The following HOMER2 variants were observed in gnomAD, a reference collection of about 807,000 sequenced individuals.
HOMER2 encodes the protein homer protein homolog 2.
HOMER2 carries 27 observed loss-of-function variants against 47.0 expected under a neutral mutation model. That is an observed-to-expected ratio of 0.57 (90% CI 0.42 to 0.79). HOMER2 has a LOEUF of 0.79. Ranked by LOEUF, HOMER2 falls within the 30% of genes least tolerant of loss-of-function variation. The probability of loss-of-function intolerance (pLI) is 0.00; values close to 1 mark genes in which losing one functional copy is unlikely to be tolerated. For synonymous variants in HOMER2, 161 were observed against 163.8 expected, an observed-to-expected ratio of 0.98 and a Z score of 0.13; for missense variants, 443 against 435.0, an observed-to-expected ratio of 1.02 and a Z score of -0.16.
chr15:82,976,267 C>T (rs547032682), intron 1 of HOMER2, among the ~76,000 whole-genome samples: 55 of 151,810 alleles, frequency 3.6e-4, no homozygotes, highest in Non-Finnish European at 6.5e-4. Context: ...TCCCTGCATC[C>T]CATTAGATTA....
chr15:82,940,554 T>G (rs1345814940), intron 1 of HOMER2, among the ~76,000 whole-genome samples: 1 of 152,082 alleles, frequency 6.6e-6, no homozygotes. Context: ...CCATCCTGGC[T>G]AACACAGTGA....
intron 1 of HOMER2, among the ~76,000 whole-genome samples, chr15:82,977,489 T>C (rs548895474): frequency 5.9e-5 from 9 of 152,250 alleles, no homozygotes; most frequent in Non-Finnish European, 1.3e-4. Flanking sequence ...GAGAAAACTT[T>C]TAGATTACGT....
upstream of HOMER2, among the ~76,000 whole-genome samples, chr15:82,956,910 G>C (rs1010581802): frequency 7.2e-5 from 11 of 152,106 alleles, no homozygotes; most frequent in South Asian, 2.1e-4. Flanking sequence ...CTGTGACCAC[G>C]GGCAAGTTTT....
Position 82,852,265 on chromosome 15 carries a change from C to A in HOMER2, c.652-13G>T, listed in dbSNP as rs1303587624. 1.9e-6 allele frequency: 3 copies of A among 1,590,510 alleles called. No individual in the cohort carries two copies. The highest frequency in any genetic ancestry group is 1.3e-5 in the African/African-American group (1 of 74,612). On this transcript the variant is annotated splice_polypyrimidine_tract_variant and intron_variant, in intron 6 of 8. Transcript: ENST00000450735. ...CCAGCTCATCAATCTTCAATACACA[C>A]CACACAGGAAAGCAGGGACGCCAGC...
At chr15:82,850,669 C>T (rs1334710411) in intron 8 of HOMER2, among the ~76,000 whole-genome samples, 4 of 152,174 alleles carry the variant, frequency 2.6e-5, no homozygotes, top group African/African-American at 4.8e-5. Context: ...CATGAAGCGC[C>T]GTGTGCATAT....
chr15:82,877,159 G>GT (rs886584888), intron 2 of HOMER2, among the ~76,000 whole-genome samples: 1 of 152,002 alleles, frequency 6.6e-6, no homozygotes, highest in Non-Finnish European at 1.5e-5. Context: ...ATTTGGGAAA[G>GT]TTTTTTTGTT....
chr15:82,879,821 C>A (rs980767353), intron 2 of HOMER2, among the ~76,000 whole-genome samples: 4 of 152,134 alleles, frequency 2.6e-5, no homozygotes, highest in African/African-American at 7.2e-5. Context: ...TGCTACTTGA[C>A]AGCATTTTAC....
At chr15:82,929,338 G>A (rs533647230) in intron 1 of HOMER2, among the ~76,000 whole-genome samples, 3 of 152,090 alleles carry the variant, frequency 2.0e-5, no homozygotes, top group Admixed American at 2.0e-4. Context: ...CAAGGAAAAC[G>A]GCTTAGCAGG....
At chr15:82,852,566 T>G (rs558552848) in intron 6 of HOMER2, 42 of 273,176 alleles carry the variant, frequency 1.5e-4, no homozygotes, top group Non-Finnish European at 2.7e-4. Flanking sequence ...AAGAAGTAGA[T>G]TCAGATTTGC....
intron 1 of HOMER2, among the ~76,000 whole-genome samples, chr15:82,945,936 C>G (rs897373609): frequency 6.6e-6 from 1 of 151,386 alleles, no homozygotes; most frequent in East Asian, 1.9e-4. Context: ...CACCACTGCA[C>G]TCCAGCATGG....
chr15:82,984,033 TTA>T (rs1479253476), intron 1 of HOMER2, among the ~76,000 whole-genome samples: 3 of 140,762 alleles, frequency 2.1e-5, no homozygotes, highest in African/African-American at 7.8e-5. Flanking sequence ...ATTATTATTA[TTA>T]TTTTTTTTTT....
intron 3 of HOMER2, among the ~76,000 whole-genome samples, chr15:82,868,556 T>TC: frequency 7.8e-6 from 1 of 127,906 alleles, no homozygotes; most frequent in African/African-American, 2.9e-5. Context: ...TTTTTTTTTT[T>TC]TTCCCCTTTT....
chr15:82,854,889 A>AGGGGTGTGCTGAGGGAT, intron 5 of HOMER2, 89 bp from the exon 6 acceptor site: 1 of 1,486,268 alleles, frequency 6.7e-7, no homozygotes, highest in Non-Finnish European at 9.1e-7. Context: ...GCCATCCCTC[A>AGGGGTGTGCTGAGGGAT]GCACACCCCT....
chr15:82,864,790 T>A (rs2051912292), intron 3 of HOMER2, among the ~76,000 whole-genome samples: 1 of 152,214 alleles, frequency 6.6e-6, no homozygotes, highest in Non-Finnish European at 1.5e-5. Flanking sequence ...ATCTTAATAG[T>A]TCCATAATAA....
intron 1 of HOMER2, among the ~76,000 whole-genome samples, chr15:82,896,481 G>A (rs558631962): frequency 6.6e-6 from 1 of 152,328 alleles, no homozygotes; most frequent in Admixed American, 6.5e-5. Context: ...GGACCCCCAA[G>A]TAGAAATGCA....
intron 1 of HOMER2, among the ~76,000 whole-genome samples, chr15:82,962,856 C>T (rs996152254): frequency 1.3e-5 from 2 of 152,148 alleles, no homozygotes; most frequent in Non-Finnish European, 2.9e-5. Context: ...TTTATTAAAA[C>T]AAGAGGGGTA....
intron 2 of HOMER2, among the ~76,000 whole-genome samples, chr15:82,877,498 T>C (rs2052389293): frequency 6.6e-6 from 1 of 152,154 alleles, no homozygotes; most frequent in African/African-American, 2.4e-5. Context: ...ACTAACTTGC[T>C]TAAGGTAACA....
chr15:82,960,108 T>C (rs1260964453), intron 1 of HOMER2, among the ~76,000 whole-genome samples: 2 of 152,036 alleles, frequency 1.3e-5, no homozygotes, highest in South Asian at 2.1e-4. Flanking sequence ...TGAGGGAGAC[T>C]CAGCAACACT....
intron 1 of HOMER2, among the ~76,000 whole-genome samples, chr15:82,983,311 G>A (rs2030459522): frequency 6.6e-6 from 1 of 152,184 alleles, no homozygotes; most frequent in Non-Finnish European, 1.5e-5. Flanking sequence ...TCCTGTCGGG[G>A]AGCAACTGTA....
Sources: gnomAD v4.1 joint callset for allele counts (sites outside exome capture counted in the v4.1 genomes callset) on GRCh38, gnomAD v4.1.1 for gene constraint, MANE v1.5 for transcripts, NCBI Gene and HGNC (gene_info 2026-07-23, HGNC 2026-07-21) for gene names.